Variants in TENM3 observed in about 807,000 individuals in gnomAD.
TENM3 encodes teneurin transmembrane protein 3, also known as teneurin-3.
Under a neutral mutation model 255.1 loss-of-function variants are expected in TENM3, and 63 were observed. That is an observed-to-expected ratio of 0.25 (90% CI 0.20 to 0.30). The LOEUF is 0.30. Ranked by LOEUF, TENM3 falls within the 10% of genes least tolerant of loss-of-function variation. The pLI is 1.00. For missense variants in TENM3, 2,929 were observed against 3,461.1 expected (o/e 0.85, Z 3.86); for synonymous variants, 1,306 against 1,322.3 (o/e 0.99, Z 0.27).
Position 182,754,947 on chromosome 4 carries a change from A to G in TENM3, c.4580A>G (p.Asn1527Ser), listed in dbSNP as rs202067365. 3.3e-5 allele frequency: 54 copies of G among 1,613,946 alleles called. No homozygotes were observed. The highest frequency in any genetic ancestry group is 2.7e-4 in the East Asian group (12 of 44,896). ...CAAGAACTCTACATCTTTGACATCA[A>G]TGGTACTCACCAATATACTGTAAGT... ...TDQELYIFDI[N>S]GTHQYTVSLV... Residue 1527 changes from asparagine (N) to serine (S), a missense_variant, in exon 22 of 28, where the codon AAT becomes AGT. Asn to Ser is a conservative substitution (Grantham distance 46). This residue lies in a region of TENM3 where 1,608 missense variants were observed against 1,884.4 expected (regional missense o/e 0.85). Transcript: ENST00000511685. The surrounding 1 kb of genome is among the most constrained non-coding windows in gnomAD (Gnocchi z 5.1).
the TENM3 span, among the ~76,000 whole-genome samples, chr4:182,127,292 C>T: frequency 1.2e-3 from 182 of 152,268 alleles, no homozygotes; most frequent in African/African-American, 4.1e-3. Flanking sequence ...CATAATTGTA[C>T]GTTCCTCCAG....
At chr4:181,839,435 ATT>A in the TENM3 span, among the ~76,000 whole-genome samples, 1 of 144,922 alleles carries the variant, frequency 6.9e-6, no homozygotes, top group Non-Finnish European at 1.5e-5. Context: ...ATATACATAT[ATT>A]TTGTGTGCAT....
the TENM3 span, among the ~76,000 whole-genome samples, chr4:182,045,125 G>A: frequency 6.6e-6 from 1 of 152,132 alleles, no homozygotes; most frequent in African/African-American, 2.4e-5. Context: ...TAAATCTGTG[G>A]GACACGGTGA....
At chr4:182,023,055 C>A in the TENM3 span, among the ~76,000 whole-genome samples, 4 of 152,098 alleles carry the variant, frequency 2.6e-5, no homozygotes, top group Non-Finnish European at 5.9e-5. Context: ...GAATATGTAC[C>A]TTTGTTTAAG....
At chr4:181,652,309 G>A in the TENM3 span, among the ~76,000 whole-genome samples, 1 of 152,066 alleles carries the variant, frequency 6.6e-6, no homozygotes, top group Non-Finnish European at 1.5e-5. Flanking sequence ...GTCAGTAAGG[G>A]CACAATAAGA....
intron 4 of TENM3, among the ~76,000 whole-genome samples, chr4:182,606,325 A>T (rs558899920): frequency 4.6e-5 from 7 of 152,106 alleles, no homozygotes; most frequent in Admixed American, 6.5e-5. Context: ...GGAGTTTGAG[A>T]CCAGCCTGGC....
At chr4:181,954,750 C>T in the TENM3 span, among the ~76,000 whole-genome samples, 1 of 152,212 alleles carries the variant, frequency 6.6e-6, no homozygotes, top group South Asian at 2.1e-4. Flanking sequence ...CTTTTTGCAT[C>T]CTAAGAAATA....
the TENM3 span, among the ~76,000 whole-genome samples, chr4:181,753,805 A>G: frequency 2.6e-4 from 39 of 152,310 alleles, no homozygotes; most frequent in Non-Finnish European, 5.1e-4. Flanking sequence ...TGCAGATGGC[A>G]GAGTGACTTA....
chr4:182,267,538 T>TA (rs1177972206), intron 1 of TENM3, among the ~76,000 whole-genome samples: 1 of 151,940 alleles, frequency 6.6e-6, no homozygotes, highest in Non-Finnish European at 1.5e-5. Context: ...CTGTGGTAAG[T>TA]AAAAAAATGT....
At chr4:182,577,488 G>T (rs1047151059) in intron 3 of TENM3, among the ~76,000 whole-genome samples, 1 of 152,166 alleles carries the variant, frequency 6.6e-6, no homozygotes, top group Non-Finnish European at 1.5e-5. Flanking sequence ...ATTTCTAAAG[G>T]TATTAAGAGT....
intron 2 of TENM3, among the ~76,000 whole-genome samples, chr4:182,336,507 C>T (rs1411322978): frequency 1.3e-5 from 2 of 152,166 alleles, no homozygotes; most frequent in African/African-American, 2.4e-5. Context: ...GAAGGAACAC[C>T]TTCTGATTTT....
the TENM3 span, among the ~76,000 whole-genome samples, chr4:181,930,566 A>G: frequency 6.6e-6 from 1 of 152,226 alleles, no homozygotes; most frequent in Non-Finnish European, 1.5e-5. Flanking sequence ...AGATGGATTC[A>G]CAGCCGAATT....
At chr4:182,037,908 T>C in the TENM3 span, among the ~76,000 whole-genome samples, 4,273 of 152,238 alleles carry the variant, frequency 0.028, 195 homozygotes, top group African/African-American at 0.096. Flanking sequence ...CATAGCTCAC[T>C]GCAGCCTCAA....
chr4:182,773,519 T>C lies in TENM3; in HGVS notation c.4940T>C (p.Val1647Ala), dbSNP rs975282249. The C allele has an allele frequency of 1.9e-6, 3 of 1,613,530 alleles. No individual in the cohort carries two copies. The highest frequency in any genetic ancestry group is 2.5e-6 in the Non-Finnish European group (3 of 1,179,748). ...RLTNVTFPTG[V>A]VTNLHGDMDK... ...ACAAATGTTACGTTTCCAACTGGAG[T>C]GGTCACAAACCTGCATGGGGACATG... Residue 1647 changes from valine (V) to alanine (A), a missense_variant, in exon 23 of 28, where the codon GTG (valine) becomes GCG (alanine). Physicochemically the swap from Val to Ala is moderately conservative, Grantham distance 64 (BLOSUM62 0). Coordinates refer to ENST00000511685, the MANE Select transcript of TENM3 (RefSeq NM_001080477.4).
the TENM3 span, among the ~76,000 whole-genome samples, chr4:181,468,804 A>G: frequency 2.6e-5 from 4 of 152,252 alleles, no homozygotes; most frequent in African/African-American, 7.2e-5. Flanking sequence ...TTGCCTTTGC[A>G]CTCACTGATT....
chr4:182,718,485 T>C (rs1759391451), intron 13 of TENM3, among the ~76,000 whole-genome samples: 1 of 152,176 alleles, frequency 6.6e-6, no homozygotes, highest in East Asian at 1.9e-4. Flanking sequence ...AAAACTGAAG[T>C]GCTGTCACCA....
At chr4:182,715,127 G>A (rs537812483) in intron 13 of TENM3, among the ~76,000 whole-genome samples, 2 of 152,122 alleles carry the variant, frequency 1.3e-5, no homozygotes, top group Non-Finnish European at 2.9e-5. Context: ...CAGGTGATCC[G>A]CCCACCTCGG....
intron 3 of TENM3, among the ~76,000 whole-genome samples, chr4:182,411,804 A>G (rs1343296502): frequency 6.6e-6 from 1 of 152,242 alleles, no homozygotes; most frequent in Non-Finnish European, 1.5e-5. Flanking sequence ...GTGAGTTCAT[A>G]CTTTCATTCA....
At chr4:182,217,397 T>C (rs1755558083) in intron 1 of TENM3, among the ~76,000 whole-genome samples, 1 of 152,130 alleles carries the variant, frequency 6.6e-6, no homozygotes, top group Non-Finnish European at 1.5e-5. Context: ...ACAAAGATAA[T>C]AAAGTGCCTG....
Sources: allele counts gnomAD v4.1 joint callset (sites outside exome capture counted in the v4.1 genomes callset), GRCh38; gene constraint gnomAD v4.1.1; regional missense constraint gnomAD v4.1.1; non-coding constraint Gnocchi (gnomAD v3.1); transcripts MANE v1.5; gene names NCBI Gene and HGNC (gene_info 2026-07-23, HGNC 2026-07-21).